Variants in CAMK1D observed in about 807,000 individuals in gnomAD.
CAMK1D encodes the protein calcium/calmodulin dependent protein kinase ID.
CAMK1D carries 9 observed loss-of-function variants against 47.7 expected under a neutral mutation model. The observed-to-expected ratio is 0.19, with a 90% CI of 0.11 to 0.33. The LOEUF (loss-of-function observed/expected upper bound fraction) is 0.33, where lower values mean the gene tolerates loss of function less well. Among genes scored for constraint, CAMK1D ranks in the 10% least tolerant of loss-of-function variants. The pLI is 1.00. For missense variants in CAMK1D, 291 were observed against 488.7 expected (o/e 0.60, Z 3.81); for synonymous variants, 184 against 184.9 (o/e 0.99, Z 0.04).
At chr10:12,472,283 C>A (rs866190242) in intron 1 of CAMK1D, among the ~76,000 whole-genome samples, 1 of 152,038 alleles carries the variant, frequency 6.6e-6, no homozygotes, top group Non-Finnish European at 1.5e-5. Context: ...ATAGGTTAGG[C>A]CTGGTGAGCT....
At chr10:12,596,996 G>A (rs971225641) in intron 2 of CAMK1D, among the ~76,000 whole-genome samples, 1 of 151,996 alleles carries the variant, frequency 6.6e-6, no homozygotes, top group Admixed American at 6.6e-5. Flanking sequence ...CTAAGATGAG[G>A]CTATTATCTC....
intron 2 of CAMK1D, among the ~76,000 whole-genome samples, chr10:12,598,002 C>G (rs1838195198): frequency 6.6e-6 from 1 of 152,214 alleles, no homozygotes; most frequent in Non-Finnish European, 1.5e-5. Context: ...ACAGTCCTGT[C>G]TTTGAAGAGC....
At chr10:12,662,184 T>C (rs975108658) in intron 2 of CAMK1D, among the ~76,000 whole-genome samples, 4 of 152,190 alleles carry the variant, frequency 2.6e-5, no homozygotes, top group African/African-American at 7.2e-5. Context: ...GGGATGGATA[T>C]TTACCAAGTA....
chr10:12,374,067 C>G (rs1838093863), intron 1 of CAMK1D, among the ~76,000 whole-genome samples: 1 of 151,056 alleles, frequency 6.6e-6, no homozygotes, highest in Non-Finnish European at 1.5e-5. Flanking sequence ...CAGGACCAGC[C>G]TGACCAACAT....
At chr10:12,446,832 A>G (rs1832938442) in intron 1 of CAMK1D, among the ~76,000 whole-genome samples, 1 of 152,170 alleles carries the variant, frequency 6.6e-6, no homozygotes, top group South Asian at 2.1e-4. Flanking sequence ...CCCTGCTGTC[A>G]GATACTGTGT....
chr10:12,445,910 C>G (rs6602587), intron 1 of CAMK1D, among the ~76,000 whole-genome samples: 102,041 of 151,988 alleles, frequency 0.67, 34,517 homozygotes, highest in African/African-American at 0.75. Context: ...CGTTTTTTTT[C>G]TGAATGTCAA....
chr10:12,552,766 G>C (rs1836626280), intron 1 of CAMK1D, among the ~76,000 whole-genome samples: 1 of 152,116 alleles, frequency 6.6e-6, no homozygotes, highest in African/African-American at 2.4e-5. Flanking sequence ...TTTTGAGACA[G>C]AGTCTTGCTC....
intron 1 of CAMK1D, among the ~76,000 whole-genome samples, chr10:12,544,313 A>G (rs1390094158): frequency 2.0e-5 from 3 of 152,228 alleles, no homozygotes; most frequent in African/African-American, 7.2e-5. Flanking sequence ...CACAACTTGA[A>G]AAAAATGCAA....
chr10:12,374,473 A>G (rs7093350), intron 1 of CAMK1D, among the ~76,000 whole-genome samples: 10,183 of 152,010 alleles, frequency 0.067, 452 homozygotes, highest in Non-Finnish European at 0.088. Flanking sequence ...TTGCTCACGT[A>G]GTATCTCCTG....
intron 1 of CAMK1D, among the ~76,000 whole-genome samples, chr10:12,499,095 A>G (rs1451190405): frequency 3.0e-5 from 4 of 132,930 alleles, no homozygotes; most frequent in African/African-American, 1.2e-4. Flanking sequence ...TTGCATCGAT[A>G]TTGAACTTAG....
chr10:12,396,877 C>G (rs1227597490), intron 1 of CAMK1D, among the ~76,000 whole-genome samples: 1 of 152,154 alleles, frequency 6.6e-6, no homozygotes, highest in Non-Finnish European at 1.5e-5. Context: ...TTAACTCAGT[C>G]GTAAGGAGCT....
chr10:12,691,411 A>T lies in CAMK1D; in HGVS notation c.299+24601A>T, dbSNP rs1210467546. Among the ~76,000 whole-genome samples the T allele has an allele frequency of 2.8e-3, 6 of 2,172 alleles. 1 individual carries two copies. Among genetic ancestry groups the T allele is most frequent in the East Asian group, 0.029 (1 of 34 alleles). 1.4% of individuals were successfully genotyped at this position (2,172 alleles called of 152,430 possible). ...TATATATATATATATATAAATATAT[A>T]TATATATATATTTTTTTTTTTTTTT... On this transcript the variant is annotated intron_variant, in intron 3 of 10. Transcript: ENST00000619168.
intron 3 of CAMK1D, among the ~76,000 whole-genome samples, chr10:12,724,005 C>T (rs1272827744): frequency 2.0e-5 from 3 of 152,026 alleles, no homozygotes; most frequent in Non-Finnish European, 2.9e-5. Flanking sequence ...TGAGAACATG[C>T]GGTGGTGTTT....
At chr10:12,696,861 C>T (rs1202319111) in intron 3 of CAMK1D, among the ~76,000 whole-genome samples, 2 of 152,212 alleles carry the variant, frequency 1.3e-5, no homozygotes, top group Non-Finnish European at 2.9e-5. Flanking sequence ...TCTATAAATA[C>T]ACACAGTTCA....
intron 2 of CAMK1D, among the ~76,000 whole-genome samples, chr10:12,663,804 A>G (rs1218871464): frequency 6.6e-6 from 1 of 152,154 alleles, no homozygotes; most frequent in African/African-American, 2.4e-5. Context: ...GTCGTATGGC[A>G]TTTTTTGAAA....
chr10:12,497,607 T>C (rs1024844969), intron 1 of CAMK1D, among the ~76,000 whole-genome samples: 1 of 152,164 alleles, frequency 6.6e-6, no homozygotes, highest in Admixed American at 6.5e-5. Flanking sequence ...AATTATGAAA[T>C]GCAACTACTC....
chr10:12,812,622 G>C (rs1056712595), intron 6 of CAMK1D, among the ~76,000 whole-genome samples: 2 of 151,758 alleles, frequency 1.3e-5, no homozygotes, highest in Non-Finnish European at 1.5e-5. Context: ...TCTCAAGAAA[G>C]AAAGAAAAAA....
intron 3 of CAMK1D, among the ~76,000 whole-genome samples, chr10:12,694,286 A>AT (rs1833132092): frequency 1.2e-5 from 1 of 80,244 alleles, no homozygotes; most frequent in African/African-American, 5.1e-5. Context: ...TACATAATAT[A>AT]AAATATATAT....
chr10:12,366,908 C>T (rs949669105), intron 1 of CAMK1D, among the ~76,000 whole-genome samples: 3 of 152,100 alleles, frequency 2.0e-5, no homozygotes, highest in Non-Finnish European at 2.9e-5. Flanking sequence ...TCTTCGTGAG[C>T]ACAGTGGGTG....
Sources: gnomAD v4.1 joint callset for allele counts (sites outside exome capture counted in the v4.1 genomes callset) on GRCh38, gnomAD v4.1.1 for gene constraint, MANE v1.5 for transcripts, NCBI Gene and HGNC (gene_info 2026-07-23, HGNC 2026-07-21) for gene names.